Variants in FRMD4A observed in about 807,000 individuals in gnomAD.
The protein encoded by FRMD4A is FERM domain-containing protein 4A.
In FRMD4A, 29 loss-of-function variants were observed where a neutral mutation model predicts 129.1. The observed-to-expected ratio is 0.22, with a 90% CI of 0.17 to 0.31. FRMD4A has a LOEUF of 0.31. FRMD4A is among the 10% of genes least tolerant of loss of function. The probability of loss-of-function intolerance (pLI) is 1.00; values close to 1 mark genes in which losing one functional copy is unlikely to be tolerated. For missense variants in FRMD4A, 1,272 were observed against 1,375.8 expected (o/e 0.92, Z 1.19); for synonymous variants, 634 against 571.6 (o/e 1.11, Z -1.56).
chr10:13,686,828 C>T (rs1322746538), intron 15 of FRMD4A, among the ~76,000 whole-genome samples: 6 of 152,212 alleles, frequency 3.9e-5, no homozygotes, highest in Non-Finnish European at 8.8e-5. Flanking sequence ...GCCTCATCAT[C>T]TCATTTAAGA....
At chr10:13,807,280 G>A (rs1208065836) in intron 4 of FRMD4A, among the ~76,000 whole-genome samples, 2 of 152,180 alleles carry the variant, frequency 1.3e-5, no homozygotes, top group African/African-American at 4.8e-5. Flanking sequence ...AAGGAGGCCA[G>A]ATGCAAACGA....
At chr10:14,147,678 C>A (rs549059730) in intron 2 of FRMD4A, among the ~76,000 whole-genome samples, 3 of 152,180 alleles carry the variant, frequency 2.0e-5, no homozygotes, top group African/African-American at 7.2e-5. Context: ...TTATGAGAAT[C>A]GAATGCCGCT....
rs150123116 is a variant in FRMD4A, at chr10:14,139,367, ACCTTATGT to A, written c.45+190683_45+190690del. On this transcript the variant is annotated intron_variant, in intron 2 of 24. Coordinates refer to ENST00000357447, the MANE Select transcript of FRMD4A (RefSeq NM_018027.5). ...GGTTGCTGAAGTCATAAGCTAAGCAACCTTATGTCCTTATGTCCTTATCTATATTGAAC... is the reference window on the plus strand; with the variant it reads ...GGTTGCTGAAGTCATAAGCTAAGCAACCTTATGTCCTTATCTATATTGAAC... Among the ~76,000 whole-genome samples the A allele has an allele frequency of 4.7e-3, 723 of 152,216 alleles. 8 individuals are homozygous for A. The highest frequency in any genetic ancestry group is 0.043 in the East Asian group (223 of 5,180).
At chr10:14,213,722 T>C (rs918222812) in intron 2 of FRMD4A, among the ~76,000 whole-genome samples, 3 of 152,218 alleles carry the variant, frequency 2.0e-5, no homozygotes, top group African/African-American at 7.2e-5. Flanking sequence ...GGTGGTGATA[T>C]GGTTTGGCTG....
intron 6 of FRMD4A, among the ~76,000 whole-genome samples, chr10:13,767,062 A>T (rs1241083243): frequency 1.3e-5 from 2 of 151,980 alleles, no homozygotes. Flanking sequence ...ACAGAGTGAG[A>T]CTCCATCTCA....
rs1589490238 is a variant in FRMD4A, at chr10:13,710,996, A to G, written c.760-3883T>C. ...GCCACTGTACTCCAGCCTGGGCGAC[A>G]CAGCAAGGCTCCTTCTTAAAACAAA... On this transcript the variant is annotated intron_variant, in intron 12 of 24. Coordinates refer to ENST00000357447, the MANE Select transcript of FRMD4A (RefSeq NM_018027.5). Among the ~76,000 whole-genome samples, 4 of 152,214 alleles carry G rather than the reference A, an allele frequency of 2.6e-5. No individual in the cohort carries two copies. The East Asian group carries it at 7.7e-4, about 29-fold the overall frequency.
At chr10:13,992,674 C>T (rs2095607386) in intron 2 of FRMD4A, among the ~76,000 whole-genome samples, 1 of 152,070 alleles carries the variant, frequency 6.6e-6, no homozygotes, top group Non-Finnish European at 1.5e-5. Flanking sequence ...CTAGTGTAGG[C>T]CAGGCATGGT....
chr10:13,660,614 G>A (rs760308508), intron 19 of FRMD4A, 61 bp from the exon 20 acceptor site: 9 of 1,050,188 alleles, frequency 8.6e-6, no homozygotes, highest in Admixed American at 1.9e-5. Flanking sequence ...GGCTGAGACA[G>A]AACCCCTACA....
chr10:13,986,787 C>A (rs1227924383), intron 2 of FRMD4A, among the ~76,000 whole-genome samples: 1 of 151,556 alleles, frequency 6.6e-6, no homozygotes, highest in Non-Finnish European at 1.5e-5. Context: ...TTTTGAGAAG[C>A]ATCTCAGGGT....
At chr10:14,194,282 G>C (rs970534691) in intron 2 of FRMD4A, among the ~76,000 whole-genome samples, 2 of 152,096 alleles carry the variant, frequency 1.3e-5, no homozygotes, top group African/African-American at 4.8e-5. Context: ...ACTTCTCACA[G>C]CACTATGCTG....
intron 2 of FRMD4A, among the ~76,000 whole-genome samples, chr10:14,197,016 G>A (rs767473585): frequency 6.6e-6 from 1 of 152,096 alleles, no homozygotes; most frequent in African/African-American, 2.4e-5. Flanking sequence ...TCCTAGAATT[G>A]CTATCACTGT....
chr10:14,272,517 C>T (rs544696458), intron 2 of FRMD4A, among the ~76,000 whole-genome samples: 10 of 152,316 alleles, frequency 6.6e-5, no homozygotes, highest in South Asian at 2.1e-4. Context: ...CATCCTAACA[C>T]GTCTATTACC....
intron 8 of FRMD4A, among the ~76,000 whole-genome samples, chr10:13,748,717 T>TTGAG (rs2091419884): frequency 6.6e-6 from 1 of 152,072 alleles, no homozygotes; most frequent in African/African-American, 2.4e-5. Context: ...CTAAAACTTT[T>TTGAG]TGAGTGCCAA....
At chr10:13,700,409 A>G (rs577967116) in intron 14 of FRMD4A, among the ~76,000 whole-genome samples, 1 of 152,308 alleles carries the variant, frequency 6.6e-6, no homozygotes, top group Admixed American at 6.5e-5. Flanking sequence ...CAGTAAGTTG[A>G]GCATCTTGCC....
chr10:13,735,200 A>G (rs1384059032), intron 12 of FRMD4A, among the ~76,000 whole-genome samples: 1 of 152,328 alleles, frequency 6.6e-6, no homozygotes, highest in Non-Finnish European at 1.5e-5. Context: ...GAGCGAATGA[A>G]TGAGTGATGG....
At chr10:14,008,139 G>C (rs2095668686) in intron 2 of FRMD4A, 1 of 1,294,476 alleles carries the variant, frequency 7.7e-7, no homozygotes, top group Admixed American at 2.4e-5. Context: ...AGCCACTGCA[G>C]CCTGAACCAC....
chr10:14,037,190 A>G (rs1833540182), intron 2 of FRMD4A, among the ~76,000 whole-genome samples: 1 of 152,188 alleles, frequency 6.6e-6, no homozygotes, highest in African/African-American at 2.4e-5. Flanking sequence ...CAAATAGAAC[A>G]TACTTTACAA....
chr10:14,143,553 C>T (rs904212685), intron 2 of FRMD4A, among the ~76,000 whole-genome samples: 9 of 152,132 alleles, frequency 5.9e-5, no homozygotes, highest in South Asian at 2.1e-4. Context: ...CGCAACAATG[C>T]GAATGTATTT....
At chr10:14,052,625 C>G (rs1834314640) in intron 2 of FRMD4A, among the ~76,000 whole-genome samples, 1 of 152,196 alleles carries the variant, frequency 6.6e-6, no homozygotes, top group African/African-American at 2.4e-5. Flanking sequence ...ATGGCACAGT[C>G]TTGGCTCACT....
Sources: gnomAD v4.1 joint callset for allele counts (sites outside exome capture counted in the v4.1 genomes callset) on GRCh38, gnomAD v4.1.1 for gene constraint, MANE v1.5 for transcripts, NCBI Gene and HGNC (gene_info 2026-07-23, HGNC 2026-07-21) for gene names.